Variants in DYNLL1 observed in about 807,000 individuals in gnomAD.
DYNLL1 encodes dynein light chain LC8-type 1.
A neutral mutation model predicts 10.1 loss-of-function variants in DYNLL1; 3 were observed. The observed-to-expected ratio is 0.30, with a 90% CI of 0.14 to 0.77. DYNLL1 has a LOEUF of 0.77. Among genes scored for constraint, DYNLL1 ranks in the 30% least tolerant of loss-of-function variants. The probability of loss-of-function intolerance (pLI) is 0.66; values close to 1 mark genes in which losing one functional copy is unlikely to be tolerated. For missense variants in DYNLL1, 47 were observed against 111.7 expected (o/e 0.42, Z 2.61); for synonymous variants, 46 against 41.2 (o/e 1.12, Z -0.45).
chr12:120,486,528 G>GTGC (rs1260830269), intron 1 of DYNLL1, among the ~76,000 whole-genome samples: 1 of 152,022 alleles, frequency 6.6e-6, no homozygotes, highest in Non-Finnish European at 1.5e-5. Context: ...GAGTGCAGTG[G>GTGC]TGCAATCATA....
intron 1 of DYNLL1, among the ~76,000 whole-genome samples, chr12:120,473,749 T>TG (rs1288582172): frequency 6.6e-6 from 1 of 150,456 alleles, no homozygotes; most frequent in Non-Finnish European, 1.5e-5. Flanking sequence ...CGTGCACCTG[T>TG]GGTCTCAGCT....
chr12:120,477,676 G>A (rs1878785617), intron 1 of DYNLL1, among the ~76,000 whole-genome samples: 1 of 152,116 alleles, frequency 6.6e-6, no homozygotes, highest in Admixed American at 6.5e-5. Flanking sequence ...TCTGGAGGTA[G>A]AAGCGGGAGG....
At chr12:120,475,716 G>A (rs1391811893) in intron 1 of DYNLL1, among the ~76,000 whole-genome samples, 1 of 151,952 alleles carries the variant, frequency 6.6e-6, no homozygotes, top group Non-Finnish European at 1.5e-5. Context: ...GTGGCTAGTG[G>A]CTACCATACA....
At chr12:120,478,410 A>ATT (rs77875091) in intron 1 of DYNLL1, among the ~76,000 whole-genome samples, 3 of 142,130 alleles carry the variant, frequency 2.1e-5, no homozygotes, top group Middle Eastern at 3.9e-3. Flanking sequence ...CCTGGCCCCA[A>ATT]TTTTTTTTTT....
At chr12:120,491,350 A>AT (rs1879123027), upstream of DYNLL1, 1 of 104,802 alleles carries the variant, frequency 9.5e-6, no homozygotes, top group Non-Finnish European at 2.1e-5. Flanking sequence ...TGCCAGCCCC[A>AT]GGCTGGTGCC....
chr12:120,473,713 A>AAAG (rs1267237099), intron 1 of DYNLL1, among the ~76,000 whole-genome samples: 4 of 149,006 alleles, frequency 2.7e-5, no homozygotes, highest in African/African-American at 1.0e-4. Flanking sequence ...AAAAAAAAAA[A>AAAG]TTAAAAAATT....
intron 1 of DYNLL1, among the ~76,000 whole-genome samples, chr12:120,473,691 T>TTA (rs1878695787): frequency 1.6e-5 from 1 of 64,256 alleles, no homozygotes; most frequent in Non-Finnish European, 2.6e-5. Flanking sequence ...AGACTCTGTC[T>TTA]CAAAAAAAAA....
intron 2 of DYNLL1, chr12:120,496,916 A>C (rs1215628362): frequency 4.2e-5 from 10 of 235,472 alleles, no homozygotes; most frequent in South Asian, 3.6e-4. Flanking sequence ...GGCCGGGAGG[A>C]GATCTTGCCA....
intron 1 of DYNLL1, chr12:120,470,142 A>G (rs1878611874): frequency 6.6e-6 from 1 of 152,350 alleles, no homozygotes; most frequent in Non-Finnish European, 1.5e-5. Flanking sequence ...CCCATTTTAC[A>G]GTTGCTCAGA....
At chr12:120,479,448 C>T (rs1261432293) in intron 1 of DYNLL1, among the ~76,000 whole-genome samples, 5 of 17,418 alleles carry the variant, frequency 2.9e-4, no homozygotes, top group African/African-American at 8.7e-4. Context: ...AACTCCGTCT[C>T]CAAAAAAAAA....
At chr12:120,479,449 C>CAAAAAAAAAAAA (rs71076617) in intron 1 of DYNLL1, among the ~76,000 whole-genome samples, 4 of 76,088 alleles carry the variant, frequency 5.3e-5, no homozygotes, top group African/African-American at 1.5e-4. Flanking sequence ...ACTCCGTCTC[C>CAAAAAAAAAAAA]AAAAAAAAAA....
At chr12:120,482,474 C>G (rs1359640111) in intron 1 of DYNLL1, among the ~76,000 whole-genome samples, 1 of 152,114 alleles carries the variant, frequency 6.6e-6, no homozygotes, top group Non-Finnish European at 1.5e-5. Flanking sequence ...AGGCGCCTGC[C>G]ACCGTGCCCG....
chr12:120,497,367 G>C (rs1404923942), intron 2 of DYNLL1: 1 of 152,770 alleles, frequency 6.5e-6, no homozygotes, highest in African/African-American at 2.4e-5. Context: ...AAATGGTGAA[G>C]AGTTGTTCCT....
chr12:120,495,117 T>C (rs1357420232), upstream of DYNLL1, among the ~76,000 whole-genome samples: 1 of 152,222 alleles, frequency 6.6e-6, no homozygotes, highest in Non-Finnish European at 1.5e-5. Flanking sequence ...GGGATTTAAA[T>C]CCAGATCTGA....
chr12:120,497,866 C>T lies in DYNLL1; in HGVS notation c.133-207C>T, dbSNP rs902370299. On this transcript the variant is annotated intron_variant, in intron 2 of 2. Coordinates refer to ENST00000242577, the MANE Select transcript of DYNLL1 (RefSeq NM_003746.3). ...CCTTTCGTCCTTTGACCTCCTCAGC[C>T]TCCATTCCCATCTTCGCTCAGACTG... The T allele has an allele frequency of 1.1e-5, 6 of 570,994 alleles. No homozygotes were observed. In the African/African-American group the frequency reaches 1.1e-4, roughly 11 times the overall value. 35.4% of individuals were successfully genotyped at this position (570,994 alleles called of 1,614,324 possible).
At chr12:120,496,085 G>T, upstream of DYNLL1, 1 of 392,568 alleles carries the variant, frequency 2.5e-6, no homozygotes, top group South Asian at 2.8e-5. Context: ...CTGAGCACTA[G>T]GCGGCGGCGG....
intron 2 of DYNLL1, 112 bp downstream of exon 2, chr12:120,496,665 G>T: frequency 6.3e-7 from 1 of 1,578,270 alleles, no homozygotes; most frequent in Non-Finnish European, 8.7e-7. Context: ...TGGCGGCTTG[G>T]GGCGTAGAAG....
intron 1 of DYNLL1, among the ~76,000 whole-genome samples, chr12:120,483,642 T>TA (rs1478627054): frequency 1.3e-5 from 2 of 151,916 alleles, no homozygotes; most frequent in Non-Finnish European, 2.9e-5. Flanking sequence ...AAATAGGACT[T>TA]AGAGATATGG....
chr12:120,471,537 T>A (rs1249961665), intron 1 of DYNLL1, among the ~76,000 whole-genome samples: 1 of 152,218 alleles, frequency 6.6e-6, no homozygotes, highest in Non-Finnish European at 1.5e-5. Flanking sequence ...TTTTTTGGAA[T>A]ACAAGTTGAT....
Sources: gnomAD v4.1 joint callset for allele counts (sites outside exome capture counted in the v4.1 genomes callset) on GRCh38, gnomAD v4.1.1 for gene constraint, MANE v1.5 for transcripts, NCBI Gene and HGNC (gene_info 2026-07-23, HGNC 2026-07-21) for gene names.